The following PTBP3 variants were observed in gnomAD, a reference collection of about 807,000 sequenced individuals.
PTBP3 encodes polypyrimidine tract binding protein 3, also known as polypyrimidine tract-binding protein 3.
PTBP3 carries 20 observed loss-of-function variants against 58.7 expected under a neutral mutation model. That is an observed-to-expected ratio of 0.34 (90% confidence interval 0.24 to 0.50). The LOEUF is 0.50. Among genes scored for constraint, PTBP3 ranks in the 20% least tolerant of loss-of-function variants. The pLI is 0.98. For missense variants in PTBP3, 509 were observed against 637.2 expected (o/e 0.80, Z 2.17); for synonymous variants, 185 against 219.8 (o/e 0.84, Z 1.40).
In PTBP3 at chr9:112,317,730, C is replaced by T. The variant is rs572061704; in HGVS notation, c.-52+15740G>A. Reference sequence around the variant, plus strand: ...TTGGGAGGCCAAGGTGGGTGGATCACGAGGTCAGGAGTTTGAGACCAGCCT... The same window carrying T: ...TTGGGAGGCCAAGGTGGGTGGATCATGAGGTCAGGAGTTTGAGACCAGCCT... On this transcript the variant is annotated intron_variant, in intron 1 of 13. Coordinates refer to ENST00000374257, the MANE Select transcript of PTBP3 (RefSeq NM_001163788.4). 2.0e-5 allele frequency among the ~76,000 whole-genome samples: 3 copies of T among 152,106 alleles called. No individual in the cohort carries two copies. In the East Asian group the frequency reaches 5.8e-4, roughly 29 times the overall value.
intron 1 of PTBP3, among the ~76,000 whole-genome samples, chr9:112,322,134 CA>C (rs149553072): frequency 4.8e-4 from 33 of 68,314 alleles, no homozygotes; most frequent in East Asian, 1.3e-3. Flanking sequence ...GACTCCATCT[CA>C]AAAAAAAAAA....
At chr9:112,255,362 G>A (rs997399914) in intron 5 of PTBP3, among the ~76,000 whole-genome samples, 1 of 152,084 alleles carries the variant, frequency 6.6e-6, no homozygotes, top group African/African-American at 2.4e-5. Flanking sequence ...AGTTAAAACA[G>A]TAAAATTCAT....
chr9:112,319,130 GAA>G (rs1436224750), intron 1 of PTBP3, among the ~76,000 whole-genome samples: 1 of 29,480 alleles, frequency 3.4e-5, no homozygotes, highest in Non-Finnish European at 8.6e-5. Context: ...TCCGTCTCAA[GAA>G]AAAAAAAAAA....
At chr9:112,246,897 T>C (rs1236609267) in intron 7 of PTBP3, among the ~76,000 whole-genome samples, 1 of 152,026 alleles carries the variant, frequency 6.6e-6, no homozygotes, top group Non-Finnish European at 1.5e-5. Context: ...TGTAATGAAG[T>C]AGGAAAGACA....
chr9:112,316,390 C>A (rs1829703237), intron 1 of PTBP3, among the ~76,000 whole-genome samples: 1 of 152,200 alleles, frequency 6.6e-6, no homozygotes, highest in African/African-American at 2.4e-5. Context: ...GAGAGAAGCA[C>A]ATGGCAAGAA....
At chr9:112,241,706 T>C (rs7851201) in intron 7 of PTBP3, among the ~76,000 whole-genome samples, 128,525 of 151,654 alleles carry the variant, frequency 0.85, 54,879 homozygotes, top group African/African-American at 0.95. Flanking sequence ...GGTTAAGCAA[T>C]ACATGACTGT....
At chr9:112,269,997 T>C (rs936923730) in intron 3 of PTBP3, among the ~76,000 whole-genome samples, 2 of 150,578 alleles carry the variant, frequency 1.3e-5, no homozygotes, top group Non-Finnish European at 2.9e-5. Flanking sequence ...CAGGCTGGAG[T>C]GCAGTGGCGT....
In PTBP3 at chr9:112,311,840, T is replaced by C. The variant is rs922500746; in HGVS notation, c.-51-13924A>G. ...ACTTATGCCTGTAGTCCCAGCTACATGGGAGGCTGAAGCAAGAGGATCATC... is the reference window on the plus strand; with the variant it reads ...ACTTATGCCTGTAGTCCCAGCTACACGGGAGGCTGAAGCAAGAGGATCATC... On this transcript the variant is annotated intron_variant, in intron 1 of 13. Transcript: ENST00000374257. Among the ~76,000 whole-genome samples, 3 of 152,212 alleles carry C rather than the reference T, an allele frequency of 2.0e-5. No homozygotes were observed. In the East Asian group the frequency reaches 5.8e-4, roughly 29 times the overall value.
intron 7 of PTBP3, among the ~76,000 whole-genome samples, chr9:112,249,802 CAAACTTT>C (rs1182733189): frequency 2.8e-5 from 4 of 143,686 alleles, no homozygotes; most frequent in African/African-American, 1.1e-4. Flanking sequence ...TGAGTTTTGG[CAAACTTT>C]AATTTGCCCC....
intron 7 of PTBP3, among the ~76,000 whole-genome samples, chr9:112,236,361 A>G (rs1020105096): frequency 1.3e-5 from 2 of 152,116 alleles, no homozygotes; most frequent in Non-Finnish European, 2.9e-5. Context: ...TAAGCATTCT[A>G]GTGAGGAGTC....
At chr9:112,289,509 C>T (rs1378251227) in intron 2 of PTBP3, among the ~76,000 whole-genome samples, 5 of 152,150 alleles carry the variant, frequency 3.3e-5, no homozygotes, top group African/African-American at 7.2e-5. Flanking sequence ...GGCCAGGCGC[C>T]GTGGCTCACA....
intron 7 of PTBP3, 65 bp from the exon 8 acceptor site, chr9:112,234,962 T>G: frequency 7.3e-7 from 1 of 1,364,188 alleles, no homozygotes; most frequent in East Asian, 2.3e-5. Flanking sequence ...CAAAGCAATA[T>G]AAAATGGCTC....
chr9:112,260,188 CA>C (rs1836533383), intron 5 of PTBP3, among the ~76,000 whole-genome samples: 1 of 152,220 alleles, frequency 6.6e-6, no homozygotes, highest in Non-Finnish European at 1.5e-5. Flanking sequence ...GGATTACAGG[CA>C]TGAGCCCCCA....
intron 3 of PTBP3, among the ~76,000 whole-genome samples, chr9:112,273,764 C>T (rs143192058): frequency 3.0e-4 from 46 of 152,316 alleles, no homozygotes; most frequent in African/African-American, 1.0e-3. Context: ...GCCCCTGACA[C>T]TCCATCCTCC....
the PTBP3 span, among the ~76,000 whole-genome samples, chr9:112,361,673 G>A: frequency 4.6e-5 from 7 of 152,000 alleles, no homozygotes; most frequent in Admixed American, 3.9e-4. Flanking sequence ...ATACAATTTT[G>A]AATTTTAAAA....
At chr9:112,379,846 G>GTAGAT in the PTBP3 span, 1 of 515,526 alleles carries the variant, frequency 1.9e-6, no homozygotes, top group South Asian at 2.4e-5. Flanking sequence ...CAGACGCTAG[G>GTAGAT]CGCCGACAGG....
chr9:112,299,718 C>T (rs1276434826), intron 1 of PTBP3, among the ~76,000 whole-genome samples: 5 of 152,146 alleles, frequency 3.3e-5, no homozygotes, highest in African/African-American at 1.2e-4. Flanking sequence ...ATAACTCCCT[C>T]CCCCCATTGA....
At chr9:112,246,705 AG>A (rs1425324450) in intron 7 of PTBP3, among the ~76,000 whole-genome samples, 1 of 151,578 alleles carries the variant, frequency 6.6e-6, no homozygotes, top group African/African-American at 2.4e-5. Flanking sequence ...AAAAAAAAAA[AG>A]AAAAAGAAAA....
chr9:112,222,408 G>A lies in PTBP3; in HGVS notation c.*1443C>T, dbSNP rs1319253211. ...CAGTAATGAAAGTCACATTAACAAA[G>A]AAAAGCAAGTTCTCGCTTGAGGACT... On this transcript the variant is annotated 3_prime_UTR_variant, in exon 14 of 14. Transcript: ENST00000374257. 1.0e-6 allele frequency: 1 copy of A among 985,468 alleles called. No individual in the cohort carries two copies. The highest frequency in any genetic ancestry group is 1.2e-6 in the Non-Finnish European group (1 of 829,904). 61.0% of individuals were successfully genotyped at this position (985,468 alleles called of 1,614,324 possible).
Sources: allele counts gnomAD v4.1 joint callset (sites outside exome capture counted in the v4.1 genomes callset), GRCh38; gene constraint gnomAD v4.1.1; transcripts MANE v1.5; gene names NCBI Gene and HGNC (gene_info 2026-07-23, HGNC 2026-07-21).